The following NT5DC3 variants were observed in gnomAD, a reference collection of about 807,000 sequenced individuals.
NT5DC3 encodes 5'-nucleotidase domain containing 3, also known as 5'-nucleotidase domain-containing protein 3.
A neutral mutation model predicts 67.8 loss-of-function variants in NT5DC3; 42 were observed. The ratio of observed to expected loss-of-function variants is 0.62; its 90% CI spans 0.48 to 0.80. The LOEUF is 0.80. Ranked by LOEUF, NT5DC3 falls within the 30% of genes least tolerant of loss-of-function variation. NT5DC3 has a pLI of 0.00. For synonymous variants in NT5DC3, 237 were observed against 255.6 expected, an observed-to-expected ratio of 0.93 and a Z score of 0.69; for missense variants, 570 against 696.4, an observed-to-expected ratio of 0.82 and a Z score of 2.04.
In NT5DC3 at chr12:103,778,071, T is replaced by C; in HGVS notation, c.1405A>G (p.Lys469Glu). The C allele has an allele frequency of 6.2e-7, 1 of 1,608,732 alleles. No homozygotes were observed. Among genetic ancestry groups the C allele is most frequent in the Non-Finnish European group, 8.5e-7 (1 of 1,176,762 alleles). The change falls in exon 14 of 14, where the codon AAG (lysine) becomes GAG (glutamate). Residue 469 changes from lysine (K) to glutamate (E), a missense_variant. Physicochemically the swap from Lys to Glu is moderately conservative, Grantham distance 56 (BLOSUM62 1). This residue lies in a region of NT5DC3 where 466 missense variants were observed against 608.0 expected (regional missense o/e 0.77). Coordinates refer to ENST00000392876, the MANE Select transcript of NT5DC3 (RefSeq NM_001031701.3). ...KERKEMREMT[K>E]SFFNAQFGSL... ...CCAAACTGGGCATTGAAGAAACTCT[T>C]GGTCATTTCTCTGAAGAGGCAATAA...
intron 4 of NT5DC3, among the ~76,000 whole-genome samples, chr12:103,805,738 C>T (rs1055954284): frequency 4.8e-5 from 7 of 146,704 alleles, no homozygotes; most frequent in Non-Finnish European, 8.9e-5. Context: ...CCCAGCTAAT[C>T]GGGAGGCTGA....
rs1454102781 is a variant in NT5DC3 at position 103,841,080 on chromosome 12, C to A, written c.77G>T (p.Gly26Val). ...RAATAAALRG[G>V]CGTAARGRPC... is the part of the protein sequence containing the mutation. ...CCGCCCCCGAGCCGCGGTCCCGCAGCCACCCCGCAAAGCCGCCGCTGTCGC... is the reference window on the plus strand; with the variant it reads ...CCGCCCCCGAGCCGCGGTCCCGCAGACACCCCGCAAAGCCGCCGCTGTCGC... Residue 26 changes from glycine to valine, a missense_variant, in exon 1 of 14, where the codon GGC (glycine) becomes GTC (valine). Around this residue, in one of 2 missense-constraint regions of NT5DC3, gnomAD observed 104 missense variants for 88.4 expected, o/e 1.18. Transcript: ENST00000392876. 7.9e-7 allele frequency: 1 copy of A among 1,258,752 alleles called. No homozygotes were observed. Among genetic ancestry groups the A allele is most frequent in the Admixed American group, 4.0e-5 (1 of 25,264 alleles). The allele number at this position is 1,258,752 out of a possible 1,614,324, so 78.0% of individuals were successfully genotyped here.
chr12:103,832,579 G>C (rs1887979476), intron 1 of NT5DC3, among the ~76,000 whole-genome samples: 1 of 152,168 alleles, frequency 6.6e-6, no homozygotes, highest in Non-Finnish European at 1.5e-5. Flanking sequence ...CCTAATGAAA[G>C]GGGAAAATGA....
intron 1 of NT5DC3, among the ~76,000 whole-genome samples, chr12:103,826,800 C>A (rs1325964168): frequency 1.3e-5 from 2 of 152,220 alleles, no homozygotes; most frequent in African/African-American, 4.8e-5. Context: ...ATTTAAGAAT[C>A]TGTCTATTAA....
intron 1 of NT5DC3, among the ~76,000 whole-genome samples, chr12:103,831,469 A>G (rs1887920881): frequency 6.6e-6 from 1 of 152,192 alleles, no homozygotes; most frequent in South Asian, 2.1e-4. Flanking sequence ...ATTCAAACCC[A>G]AATCCATGTG....
rs796470465 is a variant in NT5DC3, at chr12:103,794,151, CTT to C, written c.754-156_754-155del. Reference sequence around the variant, plus strand: ...CTAAATTCTGGTCCATTTTCTTCTTCTTTTTTTTTTTTTTTTGAGACAGAGTC... The same window carrying C: ...CTAAATTCTGGTCCATTTTCTTCTTCTTTTTTTTTTTTTTGAGACAGAGTC... On this transcript the variant is annotated intron_variant, in intron 6 of 13. Coordinates refer to ENST00000392876, the MANE Select transcript of NT5DC3 (RefSeq NM_001031701.3). 3.3e-3 allele frequency among the ~76,000 whole-genome samples: 458 copies of C among 139,966 alleles called. 3 individuals are homozygous for C. Among genetic ancestry groups the C allele is most frequent in the African/African-American group, 0.011 (433 of 38,004 alleles). 91.8% of individuals were successfully genotyped at this position (139,966 alleles called of 152,430 possible).
chr12:103,794,405 C>T lies in NT5DC3; in HGVS notation c.754-408G>A, dbSNP rs188220023. On this transcript the variant is annotated intron_variant, in intron 6 of 13. Transcript: ENST00000392876. Reference sequence around the variant, plus strand: ...CCTCAAGTAATCCACCTGCCTCAGCCGCCCAAAGTGCTGGGATTGCAGGCA... The same window carrying T: ...CCTCAAGTAATCCACCTGCCTCAGCTGCCCAAAGTGCTGGGATTGCAGGCA... Among the ~76,000 whole-genome samples the T allele has an allele frequency of 9.2e-5, 14 of 152,270 alleles. No individual in the cohort carries two copies. The East Asian group carries it at 1.4e-3, about 15-fold the overall frequency.
At chr12:103,748,852 G>A in the NT5DC3 span, 1 of 1,122,698 alleles carries the variant, frequency 8.9e-7, no homozygotes, top group Non-Finnish European at 1.3e-6. Context: ...AACACGCAGG[G>A]GCCCATTTAC....
intron 2 of NT5DC3, among the ~76,000 whole-genome samples, chr12:103,808,854 G>A (rs1886911159): frequency 6.6e-6 from 1 of 152,244 alleles, no homozygotes; most frequent in Non-Finnish European, 1.5e-5. Context: ...ATTTTAATAT[G>A]TCACTGAGAG....
intron 9 of NT5DC3, 127 bp from the exon 10 acceptor site, chr12:103,789,046 A>C: frequency 5.9e-6 from 4 of 681,640 alleles, no homozygotes; most frequent in East Asian, 2.5e-5. Context: ...CGAAACCAAA[A>C]CTCCACCATC....
At chr12:103,783,098 T>C (rs919099838) in intron 12 of NT5DC3, among the ~76,000 whole-genome samples, 3 of 152,248 alleles carry the variant, frequency 2.0e-5, no homozygotes, top group Non-Finnish European at 4.4e-5. Context: ...AATAATGTGC[T>C]ACATGCTCTG....
intron 12 of NT5DC3, among the ~76,000 whole-genome samples, chr12:103,783,113 T>C (rs950597572): frequency 2.6e-5 from 4 of 152,218 alleles, no homozygotes; most frequent in African/African-American, 9.6e-5. Flanking sequence ...GCTCTGAAAA[T>C]AATCCCCAAG....
chr12:103,779,327 A>T (rs955384130), intron 13 of NT5DC3, among the ~76,000 whole-genome samples: 1 of 152,158 alleles, frequency 6.6e-6, no homozygotes, highest in South Asian at 2.1e-4. Flanking sequence ...CTGGGACCCT[A>T]CACACAGAGT....
chr12:103,764,480 C>G, the NT5DC3 span, among the ~76,000 whole-genome samples: 1 of 152,112 alleles, frequency 6.6e-6, no homozygotes, highest in African/African-American at 2.4e-5. Flanking sequence ...CCAGGGGGAC[C>G]CCTTGGCAGG....
intron 4 of NT5DC3, among the ~76,000 whole-genome samples, chr12:103,804,499 G>A (rs2139383407): frequency 6.6e-6 from 1 of 152,290 alleles, no homozygotes; most frequent in Middle Eastern, 3.4e-3. Context: ...GTAGCAAAGG[G>A]AAGTCCCAAG....
chr12:103,762,479 G>T, the NT5DC3 span: 2 of 1,602,880 alleles, frequency 1.2e-6, no homozygotes, highest in Non-Finnish European at 1.7e-6. Context: ...TGCTTCAGTC[G>T]GTGGCTGCGC....
intron 2 of NT5DC3, among the ~76,000 whole-genome samples, chr12:103,810,985 C>T (rs1186612269): frequency 6.6e-6 from 1 of 152,182 alleles, no homozygotes; most frequent in Non-Finnish European, 1.5e-5. Flanking sequence ...GAAATCCACA[C>T]AAAACACTAT....
At chr12:103,808,706 T>C (rs1256503046) in intron 2 of NT5DC3, among the ~76,000 whole-genome samples, 2 of 152,206 alleles carry the variant, frequency 1.3e-5, no homozygotes, top group African/African-American at 4.8e-5. Flanking sequence ...GCAGACATAA[T>C]TGACAAGCTG....
chr12:103,771,535 C>G (rs1179462088), downstream of NT5DC3, among the ~76,000 whole-genome samples: 1 of 152,156 alleles, frequency 6.6e-6, no homozygotes, highest in Non-Finnish European at 1.5e-5. Flanking sequence ...TCCCTGCCCT[C>G]AAAATACTAG....
Sources: gnomAD v4.1 joint callset for allele counts (sites outside exome capture counted in the v4.1 genomes callset) on GRCh38, gnomAD v4.1.1 for gene constraint, gnomAD v4.1.1 regional missense constraint, MANE v1.5 for transcripts, NCBI Gene and HGNC (gene_info 2026-07-23, HGNC 2026-07-21) for gene names.